The following GHR variants were observed in gnomAD, a reference collection of about 807,000 sequenced individuals.
GHR encodes growth hormone receptor.
In GHR, 35 loss-of-function variants were observed where a neutral mutation model predicts 67.1. That is an observed-to-expected ratio of 0.52 (90% CI 0.40 to 0.69). The LOEUF (loss-of-function observed/expected upper bound fraction) is 0.69. GHR is among the 30% of genes least tolerant of loss of function. The probability of loss-of-function intolerance (pLI) is 0.00; values close to 1 mark genes in which losing one functional copy is unlikely to be tolerated. For synonymous variants in GHR, 272 were observed against 269.1 expected, an observed-to-expected ratio of 1.01 and a Z score of -0.10; for missense variants, 792 against 764.6, an observed-to-expected ratio of 1.04 and a Z score of -0.42.
Position 42,448,488 on chromosome 5 carries a change from G to C in GHR, c.-12+24533G>C, listed in dbSNP as rs193094941. Among the ~76,000 whole-genome samples the C allele has an allele frequency of 4.0e-3, 602 of 151,612 alleles. 8 individuals carry two copies. Among genetic ancestry groups the C allele is most frequent in the Middle Eastern group, 0.01 (3 of 294 alleles). ...TTGTTTGAGTTCCTTGTAGATTCTGGATATCTTGCCGATTCTGGATATTAG... is the reference window on the plus strand; with the variant it reads ...TTGTTTGAGTTCCTTGTAGATTCTGCATATCTTGCCGATTCTGGATATTAG... On this transcript the variant is annotated intron_variant, in intron 1 of 9. Transcript: ENST00000230882.
In GHR at chr5:42,424,210, GTGTGTGTGTC is replaced by G. The variant is rs746613239; in HGVS notation, c.-12+258_-12+267del. 1.3e-5 allele frequency among the ~76,000 whole-genome samples: 2 copies of G among 148,316 alleles called. No individual in the cohort carries two copies. The highest frequency in any genetic ancestry group is 2.5e-5 in the African/African-American group (1 of 40,648). Reference sequence around the variant, plus strand: ...TGTGTGTGTGTGTGTGTGTGTGTGTGTGTGTGTGTCTGGAAGTTGGTGAGGGCGGCAGGGA... The same window carrying G: ...TGTGTGTGTGTGTGTGTGTGTGTGTGTGGAAGTTGGTGAGGGCGGCAGGGA... On this transcript the variant is annotated intron_variant, in intron 1 of 9. Coordinates refer to ENST00000230882, the MANE Select transcript of GHR (RefSeq NM_000163.5). This position sits in a 1 kb window ranked among gnomAD's most constrained non-coding sequence, Gnocchi z 4.1.
At chr5:42,437,841 G>A (rs2111936977) in intron 1 of GHR, among the ~76,000 whole-genome samples, 1 of 150,758 alleles carries the variant, frequency 6.6e-6, no homozygotes, top group Non-Finnish European at 1.5e-5. Flanking sequence ...CAGGTGTGAG[G>A]CACCGTGCCG....
chr5:42,548,218 T>G, intron 1 of GHR: 2 of 974,524 alleles, frequency 2.1e-6, no homozygotes, highest in Non-Finnish European at 2.4e-6. Context: ...GTACCAGATA[T>G]GTGTGTGTGT....
intron 1 of GHR, among the ~76,000 whole-genome samples, chr5:42,429,155 C>T (rs1742981245): frequency 6.6e-6 from 1 of 152,158 alleles, no homozygotes; most frequent in African/African-American, 2.4e-5. Flanking sequence ...GCTGGGAGGC[C>T]TCTCAATCAT....
chr5:42,719,278 C>T lies in GHR; in HGVS notation c.1771C>T (p.Pro591Ser). Residue 591 changes from proline to serine, a missense_variant, in exon 10 of 10, where the codon CCT becomes TCT. Coordinates refer to ENST00000230882, the MANE Select transcript of GHR (RefSeq NM_000163.5). Reference sequence around the variant, plus strand: ...AGAACATGTTCCAGGTTCTGAGATGCCTGTCCCAGACTATACCTCCATTCA... The same window carrying T: ...AGAACATGTTCCAGGTTCTGAGATGTCTGTCCCAGACTATACCTCCATTCA... ...TGEHVPGSEM[P>S]VPDYTSIHIV... 1.2e-6 allele frequency: 2 copies of T among 1,614,118 alleles called. No individual in the cohort carries two copies. Among genetic ancestry groups the T allele is most frequent in the South Asian group, 1.1e-5 (1 of 91,086 alleles).
In GHR at chr5:42,595,587, T is replaced by C. The variant is rs538229282; in HGVS notation, c.70+29643T>C. ...ATGTTTTATTGTGTATTTGTTAATA[T>C]GTTTTGTTGTGTATTTAATTGCCAA... On this transcript the variant is annotated intron_variant, in intron 2 of 9. Transcript: ENST00000230882. 1.7e-3 allele frequency among the ~76,000 whole-genome samples: 265 copies of C among 152,380 alleles called. 1 individual carries two copies. Among genetic ancestry groups the C allele is most frequent in the African/African-American group, 6.2e-3 (256 of 41,584 alleles).
chr5:42,604,781 A>C (rs907514198), intron 2 of GHR, among the ~76,000 whole-genome samples: 2 of 149,396 alleles, frequency 1.3e-5, no homozygotes, highest in Non-Finnish European at 3.0e-5. Context: ...GTACTTTTTA[A>C]TATTTTCTAT....
intron 6 of GHR, among the ~76,000 whole-genome samples, chr5:42,710,611 T>C (rs1758407976): frequency 6.6e-6 from 1 of 152,068 alleles, no homozygotes; most frequent in Non-Finnish European, 1.5e-5. Flanking sequence ...TAGCAAACTA[T>C]TTTATGGTGG....
intron 2 of GHR, among the ~76,000 whole-genome samples, chr5:42,592,185 C>T (rs1453481985): frequency 6.6e-6 from 1 of 152,186 alleles, no homozygotes; most frequent in Non-Finnish European, 1.5e-5. Flanking sequence ...ACATGCTGCT[C>T]TTTGTGCCGA....
chr5:42,482,824 G>T (rs867188917), intron 1 of GHR, among the ~76,000 whole-genome samples: 1 of 152,192 alleles, frequency 6.6e-6, no homozygotes, highest in African/African-American at 2.4e-5. Flanking sequence ...GACCTCTTGC[G>T]CTTCCCAGGT....
intron 1 of GHR, among the ~76,000 whole-genome samples, chr5:42,434,906 C>T (rs1348131845): frequency 2.0e-5 from 3 of 152,196 alleles, no homozygotes; most frequent in Non-Finnish European, 4.4e-5. Flanking sequence ...TCACACAAAT[C>T]TGCTTGTCTG....
chr5:42,572,945 G>C (rs970242971), intron 2 of GHR, among the ~76,000 whole-genome samples: 3 of 152,150 alleles, frequency 2.0e-5, no homozygotes, highest in African/African-American at 7.2e-5. Context: ...TGACATCTGT[G>C]TTTCAAGAGT....
At chr5:42,655,617 G>T (rs905372380) in intron 3 of GHR, among the ~76,000 whole-genome samples, 3 of 151,988 alleles carry the variant, frequency 2.0e-5, no homozygotes, top group Admixed American at 1.3e-4. Flanking sequence ...TTACATATTT[G>T]TAAGTTATAT....
chr5:42,704,218 GA>G (rs1334208624), intron 6 of GHR, among the ~76,000 whole-genome samples: 1 of 151,794 alleles, frequency 6.6e-6, no homozygotes, highest in African/African-American at 2.4e-5. Context: ...TTATTGTGTT[GA>G]AATACATTCC....
At chr5:42,511,976 C>A (rs555273227) in intron 1 of GHR, among the ~76,000 whole-genome samples, 1 of 152,144 alleles carries the variant, frequency 6.6e-6, no homozygotes, top group Non-Finnish European at 1.5e-5. Flanking sequence ...AAAATTAAGT[C>A]CACAGACTGC....
chr5:42,659,584 G>C (rs2112855177), intron 3 of GHR, among the ~76,000 whole-genome samples: 1 of 152,278 alleles, frequency 6.6e-6, no homozygotes, highest in Admixed American at 6.5e-5. Context: ...GGACATACCT[G>C]AGACTGGGTA....
At chr5:42,688,448 T>A (rs1757263842) in intron 3 of GHR, among the ~76,000 whole-genome samples, 1 of 152,164 alleles carries the variant, frequency 6.6e-6, no homozygotes, top group Admixed American at 6.5e-5. Context: ...CTACACAGCT[T>A]CTCAAAGGAG....
chr5:42,548,233 G>T, intron 1 of GHR: 1 of 974,800 alleles, frequency 1.0e-6, no homozygotes, highest in Non-Finnish European at 1.2e-6. Flanking sequence ...GTGTGTGCAT[G>T]AGAGAGAGAG....
At chr5:42,663,850 T>C (rs993385202) in intron 3 of GHR, among the ~76,000 whole-genome samples, 4 of 151,792 alleles carry the variant, frequency 2.6e-5, no homozygotes, top group South Asian at 4.2e-4. Context: ...AAAACCCCAT[T>C]GTCTCAGCCC....
Sources: gnomAD v4.1 joint callset for allele counts (sites outside exome capture counted in the v4.1 genomes callset) on GRCh38, gnomAD v4.1.1 for gene constraint, Gnocchi (gnomAD v3.1) non-coding constraint, MANE v1.5 for transcripts, NCBI Gene and HGNC (gene_info 2026-07-23, HGNC 2026-07-21) for gene names.